The following TSHZ2 variants were observed in gnomAD, a reference collection of about 807,000 sequenced individuals.
TSHZ2 encodes the protein teashirt homolog 2.
TSHZ2 carries 21 observed loss-of-function variants against 74.4 expected under a neutral mutation model. The observed-to-expected ratio is 0.28, with a 90% CI of 0.20 to 0.41. TSHZ2 has a LOEUF of 0.41. TSHZ2 is among the 10% of genes least tolerant of loss of function. TSHZ2 has a pLI of 1.00. For synonymous variants in TSHZ2, 540 were observed against 515.3 expected (o/e 1.05, Z -0.65); for missense variants, 1,244 against 1,293.5 (o/e 0.96, Z 0.59).
intron 1 of TSHZ2, among the ~76,000 whole-genome samples, chr20:53,131,947 G>A (rs1332019787): frequency 1.3e-5 from 2 of 151,928 alleles, no homozygotes; most frequent in Admixed American, 1.3e-4. Context: ...AGCGAGCCAG[G>A]TTGAGAAAGT....
At chr20:53,424,053 A>T (rs1183583422) in intron 2 of TSHZ2, among the ~76,000 whole-genome samples, 1 of 152,226 alleles carries the variant, frequency 6.6e-6, no homozygotes, top group Non-Finnish European at 1.5e-5. Flanking sequence ...TTTAAACCAG[A>T]TTTATCTGAC....
chr20:53,057,169 G>A (rs1366056167), intron 1 of TSHZ2, among the ~76,000 whole-genome samples: 1 of 152,188 alleles, frequency 6.6e-6, no homozygotes, highest in Non-Finnish European at 1.5e-5. Flanking sequence ...CCAGCCATGT[G>A]GAACTGTGAG....
intron 1 of TSHZ2, among the ~76,000 whole-genome samples, chr20:53,170,528 G>A (rs558931951): frequency 9.2e-5 from 14 of 152,244 alleles, no homozygotes; most frequent in East Asian, 1.9e-4. Flanking sequence ...TGGTGGTGGC[G>A]GGGGCCGGGG....
intron 1 of TSHZ2, among the ~76,000 whole-genome samples, chr20:53,132,727 G>A (rs1451832530): frequency 2.6e-5 from 4 of 152,128 alleles, no homozygotes; most frequent in Non-Finnish European, 5.9e-5. Flanking sequence ...TGTGTGTACT[G>A]TGACACTTTA....
intron 1 of TSHZ2, among the ~76,000 whole-genome samples, chr20:52,984,630 G>A (rs987339890): frequency 2.0e-5 from 3 of 152,156 alleles, no homozygotes; most frequent in African/African-American, 7.2e-5. Context: ...TCACCGAGGT[G>A]GGGTGCCTCG....
intron 1 of TSHZ2, among the ~76,000 whole-genome samples, chr20:53,181,910 T>G (rs1988478929): frequency 1.3e-5 from 2 of 152,064 alleles, no homozygotes; most frequent in Admixed American, 1.3e-4. Flanking sequence ...AAGACTGAAT[T>G]TAGCAAAACA....
In TSHZ2 at chr20:53,423,348, C is replaced by T. The variant is rs138754793; in HGVS notation, c.*9-63796C>T. Among the ~76,000 whole-genome samples the T allele has an allele frequency of 5.1e-3, 772 of 152,274 alleles. 7 individuals are homozygous for T. The highest frequency in any genetic ancestry group is 0.018 in the African/African-American group (742 of 41,556). On this transcript the variant is annotated intron_variant, in intron 2 of 2. Transcript: ENST00000371497. The stretch of plus-strand genomic sequence containing the variant: ...GTAGTGAGCTGAGATCATGCCACTG[C>T]ACTCCAGCCTGGGTGACAGAGCAAG...
chr20:53,257,772 G>A (rs1449047866), intron 2 of TSHZ2, among the ~76,000 whole-genome samples: 2 of 152,230 alleles, frequency 1.3e-5, no homozygotes, highest in African/African-American at 4.8e-5. Context: ...TTGACGTCAT[G>A]TTAAGTTACG....
At chr20:53,441,946 T>C (rs1294118168) in intron 2 of TSHZ2, among the ~76,000 whole-genome samples, 2 of 152,128 alleles carry the variant, frequency 1.3e-5, no homozygotes, top group African/African-American at 2.4e-5. Flanking sequence ...AGAAACAAAT[T>C]GCAAGCCGAA....
chr20:53,142,435 G>T (rs1001861248), intron 1 of TSHZ2, among the ~76,000 whole-genome samples: 2 of 152,186 alleles, frequency 1.3e-5, no homozygotes, highest in Non-Finnish European at 1.5e-5. Context: ...ACATGTACAG[G>T]CTTTAGCCAA....
chr20:53,215,508 A>T (rs1989415304), intron 1 of TSHZ2, among the ~76,000 whole-genome samples: 2 of 150,238 alleles, frequency 1.3e-5, no homozygotes, highest in Non-Finnish European at 3.0e-5. Flanking sequence ...GAGTTCCATC[A>T]TGGAGGCATC....
At chr20:52,995,611 CTTTTT>C (rs11469115) in intron 1 of TSHZ2, among the ~76,000 whole-genome samples, 45,869 of 135,946 alleles carry the variant, frequency 0.34, 7,539 homozygotes, top group Non-Finnish European at 0.42. Flanking sequence ...TTTTTCTTTC[CTTTTT>C]TTTTTTTTTT....
chr20:53,137,292 G>A (rs1600707312), intron 1 of TSHZ2, among the ~76,000 whole-genome samples: 1 of 122,576 alleles, frequency 8.2e-6, no homozygotes. Context: ...ATATATTCGT[G>A]TTTCTTTTTT....
intron 1 of TSHZ2, among the ~76,000 whole-genome samples, chr20:53,215,312 T>A (rs957660370): frequency 6.6e-6 from 1 of 151,968 alleles, no homozygotes; most frequent in African/African-American, 2.4e-5. Flanking sequence ...AAGAGCAAAA[T>A]AGCAGCATTT....
intron 2 of TSHZ2, among the ~76,000 whole-genome samples, chr20:53,323,373 G>A (rs1979350180): frequency 1.3e-5 from 2 of 151,668 alleles, no homozygotes; most frequent in Admixed American, 1.3e-4. Flanking sequence ...CTTCTACCGT[G>A]TGAAGTCTGT....
chr20:52,983,728 G>A (rs560004503), intron 1 of TSHZ2, among the ~76,000 whole-genome samples: 5 of 152,242 alleles, frequency 3.3e-5, no homozygotes, highest in Non-Finnish European at 5.9e-5. Context: ...CTGAAGAGCA[G>A]TGATATCCCT....
chr20:53,247,614 C>T (rs535399589), intron 1 of TSHZ2, among the ~76,000 whole-genome samples: 25 of 152,252 alleles, frequency 1.6e-4, no homozygotes, highest in African/African-American at 5.5e-4. Context: ...GCTCTCATTC[C>T]GAGTCATCAT....
At chr20:53,231,522 G>A (rs1989824301) in intron 1 of TSHZ2, among the ~76,000 whole-genome samples, 1 of 152,226 alleles carries the variant, frequency 6.6e-6, no homozygotes, top group Non-Finnish European at 1.5e-5. Context: ...TGGATGTCCA[G>A]GAGAGTTGCT....
chr20:53,461,915 A>G (rs1985385561), intron 2 of TSHZ2, among the ~76,000 whole-genome samples: 1 of 152,100 alleles, frequency 6.6e-6, no homozygotes, highest in African/African-American at 2.4e-5. Context: ...ACATTGGTAA[A>G]CCTATTCAAA....
Sources: allele counts gnomAD v4.1 joint callset (sites outside exome capture counted in the v4.1 genomes callset), GRCh38; gene constraint gnomAD v4.1.1; transcripts MANE v1.5; gene names NCBI Gene and HGNC (gene_info 2026-07-23, HGNC 2026-07-21).